Variants in KCNK5 observed in about 807,000 individuals in gnomAD.
The protein encoded by KCNK5 is potassium two pore domain channel subfamily K member 5.
A neutral mutation model predicts 32.9 loss-of-function variants in KCNK5; 18 were observed. The ratio of observed to expected loss-of-function variants is 0.55; its 90% CI spans 0.38 to 0.81. The LOEUF (loss-of-function observed/expected upper bound fraction) is 0.81. Among genes scored for constraint, KCNK5 ranks in the 30% least tolerant of loss-of-function variants. The probability of loss-of-function intolerance (pLI) is 0.00; values close to 1 mark genes in which losing one functional copy is unlikely to be tolerated. For missense variants in KCNK5, 507 were observed against 651.0 expected (o/e 0.78, Z 2.41); for synonymous variants, 276 against 275.3 (o/e 1.00, Z -0.03).
At chr6:39,227,207 T>C (rs1771689559) in intron 1 of KCNK5, among the ~76,000 whole-genome samples, 2 of 148,896 alleles carry the variant, frequency 1.3e-5, no homozygotes, top group African/African-American at 5.0e-5. Flanking sequence ...TTCCTTCCCC[T>C]GCAGTGTTGG....
chr6:39,192,207 C>T (rs1056571178), intron 4 of KCNK5, among the ~76,000 whole-genome samples: 3 of 132,148 alleles, frequency 2.3e-5, no homozygotes, highest in Admixed American at 9.2e-5. Context: ...TGCTTGAACC[C>T]GGGAGGCAGA....
intron 1 of KCNK5, among the ~76,000 whole-genome samples, chr6:39,204,990 A>T (rs148297484): frequency 6.6e-6 from 1 of 152,368 alleles, no homozygotes; most frequent in Non-Finnish European, 1.5e-5. Context: ...AGGAACAAAG[A>T]AAACAAGGCA....
At chr6:39,203,304 G>A (rs1010189870) in intron 1 of KCNK5, among the ~76,000 whole-genome samples, 1 of 152,232 alleles carries the variant, frequency 6.6e-6, no homozygotes, top group Non-Finnish European at 1.5e-5. Context: ...GGAAGGGACT[G>A]TGGTTCCAGA....
intron 1 of KCNK5, among the ~76,000 whole-genome samples, chr6:39,200,072 A>T (rs1360813381): frequency 6.6e-6 from 1 of 152,230 alleles, no homozygotes; most frequent in Non-Finnish European, 1.5e-5. Context: ...GACTAAGGCC[A>T]TCACTGGGTT....
intron 1 of KCNK5, among the ~76,000 whole-genome samples, chr6:39,202,375 G>A (rs1771145776): frequency 6.6e-6 from 1 of 152,138 alleles, no homozygotes; most frequent in Non-Finnish European, 1.5e-5. Flanking sequence ...GGGCTCACAG[G>A]GGCTGCTGAA....
intron 1 of KCNK5, among the ~76,000 whole-genome samples, chr6:39,205,234 G>GT (rs1771203396): frequency 6.6e-6 from 1 of 152,154 alleles, no homozygotes; most frequent in South Asian, 2.1e-4. Context: ...GGAAATCCCT[G>GT]TGCGGGCAGA....
chr6:39,191,077 G>T lies in KCNK5; in HGVS notation c.1313C>A (p.Ser438Ter). ...CTCCCCTGCCAAGTTGTCCTCTAGC[G>T]AGGACTTGGAGGTCTCCTCGTCTGA... is the stretch of plus-strand genomic sequence containing the variant. ...GLSDEETSKS[S>*]LEDNLAGEES... Residue 438 changes from serine (S) to a stop codon, truncating the protein, a stop_gained, in exon 5 of 5, where the codon TCG becomes TAG. Coordinates refer to ENST00000359534, the MANE Select transcript of KCNK5 (RefSeq NM_003740.4). LOFTEE classifies it high-confidence loss of function. The surrounding 1 kb of genome is among the most constrained non-coding windows in gnomAD (Gnocchi z 5.8). 6.2e-7 allele frequency: 1 copy of T among 1,613,978 alleles called. No homozygotes were observed.
chr6:39,194,117 A>C lies in KCNK5; in HGVS notation c.634+52T>G, dbSNP rs1327448238. 2 of 1,604,296 alleles carry C rather than the reference A, an allele frequency of 1.2e-6. No individual in the cohort carries two copies. Among genetic ancestry groups the C allele is most frequent in the Non-Finnish European group, 1.7e-6 (2 of 1,171,410 alleles). On this transcript the variant is annotated intron_variant, in intron 4 of 4. Coordinates refer to ENST00000359534, the MANE Select transcript of KCNK5 (RefSeq NM_003740.4). This position sits in a 1 kb window ranked among gnomAD's most constrained non-coding sequence, Gnocchi z 4.7. ...GGCACCCCCAACATAGGTCTGTTGC[A>C]CTGAAACCAAAGAAGCAGAAAAAGA...
chr6:39,211,388 G>A (rs1025044315), intron 1 of KCNK5, among the ~76,000 whole-genome samples: 2 of 152,222 alleles, frequency 1.3e-5, no homozygotes, highest in Non-Finnish European at 2.9e-5. Flanking sequence ...ACAAACACAT[G>A]CTTTCTGTCA....
At position 39,191,263 on chromosome 6, in the gene KCNK5, G is replaced by A; in HGVS notation, c.1127C>T (p.Ala376Val). Residue 376 changes from alanine (A) to valine (V), a missense_variant, in exon 5 of 5, where the codon GCT (alanine) becomes GTT (valine). Ala to Val is a moderately conservative substitution (Grantham distance 64, BLOSUM62 0). Around this residue, in one of 6 missense-constraint regions of KCNK5, gnomAD observed 252 missense variants for 250.8 expected, o/e 1.00. Coordinates refer to ENST00000359534, the MANE Select transcript of KCNK5 (RefSeq NM_003740.4). The surrounding 1 kb of genome is among the most constrained non-coding windows in gnomAD (Gnocchi z 5.8). ...GHVSRSPDEE[A>V]VARAPEDSSP... ...GCTGTCTTCAGGGGCCCGTGCCACAGCCTCCTCATCTGGGGACCTTGATAC... is the reference window on the plus strand; with the variant it reads ...GCTGTCTTCAGGGGCCCGTGCCACAACCTCCTCATCTGGGGACCTTGATAC... The A allele has an allele frequency of 6.2e-7, 1 of 1,614,104 alleles. No individual in the cohort carries two copies. Among genetic ancestry groups the A allele is most frequent in the South Asian group, 1.1e-5 (1 of 91,092 alleles).
Position 39,229,469 on chromosome 6 carries a change from A to C in KCNK5, c.-358T>G, listed in dbSNP as rs1348329772. On this transcript the variant is annotated 5_prime_UTR_variant, in exon 1 of 5. Coordinates refer to ENST00000359534, the MANE Select transcript of KCNK5 (RefSeq NM_003740.4). ...CGTCGCTCCTCCGCGCGCCACTAGC[A>C]GTATGCGCCGCGCCCGCCTCCGCAC... The C allele has an allele frequency of 1.3e-5, 3 of 236,986 alleles. No homozygotes were observed. Among genetic ancestry groups the C allele is most frequent in the Non-Finnish European group, 2.5e-5 (3 of 120,360 alleles). The allele number at this position is 236,986 out of a possible 1,614,324, so 14.7% of individuals were successfully genotyped here.
rs184391461 is a variant in KCNK5 at position 39,210,547 on chromosome 6, C to T, written c.187-14560G>A. ...CCCACCCAACCTATTAACCCAACAA[C>T]GATGGGGCCAGAGTCATGGACAAAC... On this transcript the variant is annotated intron_variant, in intron 1 of 4. Coordinates refer to ENST00000359534, the MANE Select transcript of KCNK5 (RefSeq NM_003740.4). Among the ~76,000 whole-genome samples, 89 of 152,330 alleles carry T rather than the reference C, an allele frequency of 5.8e-4. 1 individual carries two copies. The highest frequency in any genetic ancestry group is 4.9e-3 in the Admixed American group (75 of 15,308).
In KCNK5 at chr6:39,229,137, G is replaced by A. The variant is rs760785299; in HGVS notation, c.-26C>T. 15 of 1,612,110 alleles carry A rather than the reference G, an allele frequency of 9.3e-6. No homozygotes were observed. In the South Asian group the frequency reaches 1.3e-4, roughly 14 times the overall value. ...GGCTCCCGAGCGGCCGCCTCCTAGA[G>A]AAAGCCTCTCCTAGCCCCAGCTGCT... On this transcript the variant is annotated 5_prime_UTR_variant, in exon 1 of 5. Transcript: ENST00000359534.
intron 1 of KCNK5, among the ~76,000 whole-genome samples, chr6:39,220,329 G>C (rs1360299794): frequency 6.6e-6 from 1 of 152,190 alleles, no homozygotes. Context: ...TATTTCAGCA[G>C]GAAACCCAAA....
At chr6:39,209,724 C>T (rs528607775) in intron 1 of KCNK5, among the ~76,000 whole-genome samples, 5 of 152,348 alleles carry the variant, frequency 3.3e-5, no homozygotes, top group Non-Finnish European at 7.3e-5. Flanking sequence ...ATTTTAAGCA[C>T]AGACGTTTCC....
Position 39,192,283 on chromosome 6 carries a change from C to CAAAAAA in KCNK5, c.635-534_635-529dup, listed in dbSNP as rs1226626372. On this transcript the variant is annotated intron_variant, in intron 4 of 4. Coordinates refer to ENST00000359534, the MANE Select transcript of KCNK5 (RefSeq NM_003740.4). ...TGGGCAGCAGACAGAGACTCCGTCTCAAAAAAAAAAAAAAAAAAAAAAAAA... is the reference window on the plus strand; with the variant it reads ...TGGGCAGCAGACAGAGACTCCGTCTCAAAAAAAAAAAAAAAAAAAAAAAAAAAAAAA... Among the ~76,000 whole-genome samples, 35 of 46,698 alleles carry CAAAAAA rather than the reference C, an allele frequency of 7.5e-4. 6 individuals are homozygous for CAAAAAA. The highest frequency in any genetic ancestry group is 2.2e-3 in the African/African-American group (21 of 9,742). The allele number at this position is 46,698 out of a possible 152,430, so 30.6% of individuals were successfully genotyped here. A position where few individuals can be genotyped will look rare whatever the true frequency, so the allele number is the denominator to read the frequency against.
intron 1 of KCNK5, among the ~76,000 whole-genome samples, chr6:39,213,096 A>G (rs936220787): frequency 1.8e-4 from 28 of 152,310 alleles, no homozygotes; most frequent in African/African-American, 6.5e-4. Flanking sequence ...GCCCACAGAT[A>G]CGAAGGGTCA....
In KCNK5 at chr6:39,219,429, T is replaced by G. The variant is rs532937669; in HGVS notation, c.186+9497A>C. On this transcript the variant is annotated intron_variant, in intron 1 of 4. Transcript: ENST00000359534. ...CAGATGATGCAATGTGCTCAAGGCCTCACAATTTGTAAAGGCAGAGAGGTG... is the reference window on the plus strand; with the variant it reads ...CAGATGATGCAATGTGCTCAAGGCCGCACAATTTGTAAAGGCAGAGAGGTG... 2.2e-4 allele frequency among the ~76,000 whole-genome samples: 34 copies of G among 152,246 alleles called. 2 individuals are homozygous for G. The highest frequency in any genetic ancestry group is 7.7e-4 in the African/African-American group (32 of 41,526).
At chr6:39,227,368 AC>A (rs1157123213) in intron 1 of KCNK5, among the ~76,000 whole-genome samples, 1 of 150,748 alleles carries the variant, frequency 6.6e-6, no homozygotes, top group Non-Finnish European at 1.5e-5. Flanking sequence ...TCATAAAGCA[AC>A]CCCCTCCCCA....
Sources: gnomAD v4.1 joint callset for allele counts (sites outside exome capture counted in the v4.1 genomes callset) on GRCh38, gnomAD v4.1.1 for gene constraint, gnomAD v4.1.1 regional missense constraint, Gnocchi (gnomAD v3.1) non-coding constraint, MANE v1.5 for transcripts, NCBI Gene and HGNC (gene_info 2026-07-23, HGNC 2026-07-21) for gene names.